The following SLC26A7 variants were observed in gnomAD, a reference collection of about 807,000 sequenced individuals.
SLC26A7 encodes the protein anion exchange transporter.
In SLC26A7, 59 loss-of-function variants were observed where a neutral mutation model predicts 82.5. The observed-to-expected ratio is 0.72, with a 90% confidence interval of 0.58 to 0.89. The LOEUF (loss-of-function observed/expected upper bound fraction) is 0.89. Ranked by LOEUF, SLC26A7 falls within the 40% of genes least tolerant of loss-of-function variation. The probability of loss-of-function intolerance (pLI) is 0.00; values close to 1 mark genes in which losing one functional copy is unlikely to be tolerated. For synonymous variants in SLC26A7, 271 were observed against 274.3 expected (o/e 0.99, Z 0.12); for missense variants, 820 against 793.0 (o/e 1.03, Z -0.41).
intron 10 of SLC26A7, 102 bp from the exon 11 acceptor site, chr8:91,352,799 A>G (rs1813753685): frequency 1.2e-6 from 1 of 846,656 alleles, no homozygotes; most frequent in South Asian, 1.6e-5. Context: ...GCTTTTCTCT[A>G]TTAAGTACTT....
intron 2 of SLC26A7, among the ~76,000 whole-genome samples, chr8:91,226,452 A>T (rs1232585429): frequency 6.6e-6 from 1 of 152,244 alleles, no homozygotes; most frequent in African/African-American, 2.4e-5. Context: ...TACGTTAAGG[A>T]TGAAAACAAT....
intron 2 of SLC26A7, among the ~76,000 whole-genome samples, chr8:91,238,819 C>T (rs1810427172): frequency 2.0e-5 from 3 of 151,884 alleles, no homozygotes; most frequent in African/African-American, 7.3e-5. Context: ...AAGACAGTGA[C>T]TCCAAATAAT....
At chr8:91,347,891 A>G (rs544594327) in intron 9 of SLC26A7, among the ~76,000 whole-genome samples, 10 of 152,302 alleles carry the variant, frequency 6.6e-5, no homozygotes, top group African/African-American at 1.9e-4. Context: ...AAAAAATTAC[A>G]TTTCTTCCTT....
At chr8:91,394,302 A>C in intron 18 of SLC26A7, 1 of 1,612,342 alleles carries the variant, frequency 6.2e-7, no homozygotes, top group Non-Finnish European at 8.5e-7. Context: ...ATCATTTGCA[A>C]ACTGCTTACT....
At position 91,257,960 on chromosome 8, in the gene SLC26A7, C is replaced by T. The variant is rs557624304; in HGVS notation, c.193+8116C>T. ...CGGAAGGTGCCTCTTCACAGGGTGGCAGGAGAGAGAATGAGTGCAAGCAGG... is the reference window on the plus strand; with the variant it reads ...CGGAAGGTGCCTCTTCACAGGGTGGTAGGAGAGAGAATGAGTGCAAGCAGG... On this transcript the variant is annotated intron_variant, in intron 2 of 18. Transcript: ENST00000276609. Among the ~76,000 whole-genome samples, 4 of 152,114 alleles carry T rather than the reference C, an allele frequency of 2.6e-5. No homozygotes were observed. In the East Asian group the frequency reaches 7.7e-4, roughly 29 times the overall value.
Position 91,363,469 on chromosome 8 carries a change from C to A in SLC26A7, c.1422-3C>A. ...TTTTATTTTCTATCTGCTTTAATTT[C>A]AGAGCAATGACTGTAAGTATAAAAA... On this transcript the variant is annotated splice_polypyrimidine_tract_variant and splice_region_variant and intron_variant, in intron 12 of 18. Coordinates refer to ENST00000276609, the MANE Select transcript of SLC26A7 (RefSeq NM_052832.4). The A allele has an allele frequency of 6.7e-7, 1 of 1,487,188 alleles. No individual in the cohort carries two copies. The highest frequency in any genetic ancestry group is 1.2e-5 in the South Asian group (1 of 82,112). The allele number at this position is 1,487,188 out of a possible 1,614,324, so 92.1% of individuals were successfully genotyped here. A position where few individuals can be genotyped will look rare whatever the true frequency, so the allele number is the denominator to read the frequency against.
intron 4 of SLC26A7, among the ~76,000 whole-genome samples, chr8:91,311,852 C>T (rs908509948): frequency 1.3e-5 from 2 of 152,074 alleles, no homozygotes; most frequent in African/African-American, 4.8e-5. Context: ...TCCTCTTGCT[C>T]TCAGTATATC....
intron 14 of SLC26A7, among the ~76,000 whole-genome samples, chr8:91,368,288 T>C (rs1433981287): frequency 6.6e-6 from 1 of 152,224 alleles, no homozygotes; most frequent in African/African-American, 2.4e-5. Flanking sequence ...TTCTGTGCTC[T>C]CTGGAAGAAA....
chr8:91,275,018 GTACTCTATGCATAAATGCGCA>G (rs1811369816), intron 2 of SLC26A7, among the ~76,000 whole-genome samples: 1 of 151,942 alleles, frequency 6.6e-6, no homozygotes, highest in African/African-American at 2.4e-5. Flanking sequence ...ACATCTGCAG[GTACTCTATGCATAAATGCGCA>G]TATATTCCGT....
At chr8:91,343,592 G>A in intron 9 of SLC26A7, 126 bp downstream of exon 9, 1 of 623,800 alleles carries the variant, frequency 1.6e-6, no homozygotes, top group Non-Finnish European at 2.6e-6. Flanking sequence ...TTTTTTCTAA[G>A]TTGTTTTAAG....
chr8:91,243,078 T>C (rs1270956114), intron 2 of SLC26A7, among the ~76,000 whole-genome samples: 1 of 152,186 alleles, frequency 6.6e-6, no homozygotes, highest in East Asian at 1.9e-4. Context: ...TGTGCGGTAA[T>C]GTTTATGCTT....
intron 11 of SLC26A7, among the ~76,000 whole-genome samples, chr8:91,358,635 CAT>C (rs1813951939): frequency 6.6e-6 from 1 of 152,170 alleles, no homozygotes; most frequent in African/African-American, 2.4e-5. Flanking sequence ...TGGCCGCACA[CAT>C]ATGTTTGTTG....
intron 1 of SLC26A7, among the ~76,000 whole-genome samples, chr8:91,213,285 A>G (rs377441830): frequency 9.4e-4 from 143 of 152,270 alleles, no homozygotes; most frequent in African/African-American, 3.3e-3. Flanking sequence ...TGGAATGACC[A>G]TATAATGTGT....
At chr8:91,349,851 A>G (rs1412474152) in intron 9 of SLC26A7, among the ~76,000 whole-genome samples, 4 of 152,138 alleles carry the variant, frequency 2.6e-5, no homozygotes, top group African/African-American at 9.7e-5. Context: ...CTTTTCATGT[A>G]AACATGGAAT....
At chr8:91,217,150 T>C (rs1263574549) in intron 1 of SLC26A7, among the ~76,000 whole-genome samples, 21 of 152,172 alleles carry the variant, frequency 1.4e-4, no homozygotes, top group Admixed American at 1.2e-3. Flanking sequence ...GATGCTAAGA[T>C]TCTTAGAGGC....
intron 4 of SLC26A7, among the ~76,000 whole-genome samples, chr8:91,299,669 C>A (rs150117317): frequency 1.3e-3 from 192 of 152,198 alleles, no homozygotes; most frequent in African/African-American, 4.2e-3. Flanking sequence ...GTGACTGTAG[C>A]ACCCTGTTTT....
intron 4 of SLC26A7, among the ~76,000 whole-genome samples, chr8:91,315,277 C>T (rs1812596742): frequency 6.6e-6 from 1 of 152,158 alleles, no homozygotes; most frequent in African/African-American, 2.4e-5. Context: ...AAATTCAACT[C>T]TGGTTTTCAT....
chr8:91,323,402 C>T (rs1225740253), intron 5 of SLC26A7, among the ~76,000 whole-genome samples: 1 of 152,166 alleles, frequency 6.6e-6, no homozygotes, highest in Non-Finnish European at 1.5e-5. Flanking sequence ...CAAACTCTCT[C>T]CATCCCTCAC....
intron 4 of SLC26A7, 142 bp from the exon 5 acceptor site, chr8:91,318,074 A>G: frequency 1.7e-6 from 1 of 581,628 alleles, no homozygotes; most frequent in Admixed American, 3.5e-5. Context: ...GATATTGTAT[A>G]TATACAATGT....
Sources: allele counts gnomAD v4.1 joint callset (sites outside exome capture counted in the v4.1 genomes callset), GRCh38; gene constraint gnomAD v4.1.1; transcripts MANE v1.5; gene names NCBI Gene and HGNC (gene_info 2026-07-23, HGNC 2026-07-21).